PRKG1: variants seen among roughly 807,000 people sequenced by gnomAD.
PRKG1 encodes the protein cGMP-dependent protein kinase 1.
A neutral mutation model predicts 88.1 loss-of-function variants in PRKG1; 35 were observed. The observed-to-expected ratio is 0.40, with a 90% CI of 0.30 to 0.53. The LOEUF (loss-of-function observed/expected upper bound fraction) is 0.53, where lower values mean the gene tolerates loss of function less well. Ranked by LOEUF, PRKG1 falls within the 20% of genes least tolerant of loss-of-function variation. The pLI, the probability that PRKG1 is intolerant of heterozygous loss-of-function variation, is 0.59. For synonymous variants in PRKG1, 303 were observed against 292.5 expected (o/e 1.04, Z -0.37); for missense variants, 540 against 839.8 (o/e 0.64, Z 4.41).
At chr10:51,310,347 AAAG>A (rs1203249866) in intron 2 of PRKG1, among the ~76,000 whole-genome samples, 2 of 152,242 alleles carry the variant, frequency 1.3e-5, no homozygotes, top group Non-Finnish European at 2.9e-5. Flanking sequence ...ACTTTTTAAA[AAAG>A]AACCTATTAT....
chr10:52,233,583 C>T (rs1314119212), intron 9 of PRKG1, among the ~76,000 whole-genome samples: 1 of 147,800 alleles, frequency 6.8e-6, no homozygotes, highest in African/African-American at 2.5e-5. Context: ...GTCACTCCCA[C>T]CCGAATATTG....
chr10:51,962,529 G>A, intron 5 of PRKG1, among the ~76,000 whole-genome samples: 1 of 151,880 alleles, frequency 6.6e-6, no homozygotes, highest in East Asian at 1.9e-4. Context: ...AAGCCACGAT[G>A]GATTTGGTAA....
chr10:52,094,305 C>T (rs2133328776), intron 7 of PRKG1, among the ~76,000 whole-genome samples: 1 of 152,204 alleles, frequency 6.6e-6, no homozygotes, highest in South Asian at 2.1e-4. Context: ...CATTCTTCCT[C>T]ATTTGTCAAT....
At chr10:51,590,248 CA>C (rs1394037478) in intron 3 of PRKG1, among the ~76,000 whole-genome samples, 1 of 152,156 alleles carries the variant, frequency 6.6e-6, no homozygotes, top group Non-Finnish European at 1.5e-5. Flanking sequence ...CACCAGTTAG[CA>C]ATGAGCTTTC....
rs541374173 is a variant in PRKG1 at position 51,626,580 on chromosome 10, A to G, written c.592+158744A>G. ...CAAAAATCTTCAAATCATAATGAATAGCATTGATTTTCAGACTTTCATATT... is the reference window on the plus strand; with the variant it reads ...CAAAAATCTTCAAATCATAATGAATGGCATTGATTTTCAGACTTTCATATT... On this transcript the variant is annotated intron_variant, in intron 3 of 17. Coordinates refer to ENST00000373980, the MANE Select transcript of PRKG1 (RefSeq NM_006258.4). Among the ~76,000 whole-genome samples, 12 of 152,320 alleles carry G rather than the reference A, an allele frequency of 7.9e-5. No homozygotes were observed. The South Asian group carries it at 2.3e-3, about 29-fold the overall frequency.
intron 2 of PRKG1, among the ~76,000 whole-genome samples, chr10:51,224,475 CA>C (rs1838636767): frequency 6.6e-6 from 1 of 152,186 alleles, no homozygotes; most frequent in African/African-American, 2.4e-5. Flanking sequence ...TTTCAGACAT[CA>C]AACTAATTTG....
At chr10:52,086,979 G>A (rs1031252569) in intron 7 of PRKG1, among the ~76,000 whole-genome samples, 1 of 152,104 alleles carries the variant, frequency 6.6e-6, no homozygotes, top group Non-Finnish European at 1.5e-5. Flanking sequence ...CAGATCTTGT[G>A]AGAACTCACT....
intron 11 of PRKG1, 123 bp downstream of exon 11, chr10:52,271,612 C>T (rs1024379322): frequency 4.9e-6 from 5 of 1,030,368 alleles, no homozygotes; most frequent in Non-Finnish European, 6.5e-6. Context: ...TCTTTTTAAT[C>T]TAATCTTAAG....
intron 2 of PRKG1, among the ~76,000 whole-genome samples, chr10:51,261,728 C>T (rs905631754): frequency 1.5e-4 from 14 of 92,972 alleles, no homozygotes; most frequent in South Asian, 8.9e-4. Flanking sequence ...GCAGAGGTTT[C>T]GAACAAATGT....
At chr10:52,214,851 A>C (rs908579162) in intron 9 of PRKG1, among the ~76,000 whole-genome samples, 10 of 152,156 alleles carry the variant, frequency 6.6e-5, no homozygotes, top group African/African-American at 2.4e-4. Context: ...TGGAGCAGGT[A>C]ACCAATCAGG....
At chr10:51,026,001 G>A (rs1290345184) in intron 1 of PRKG1, among the ~76,000 whole-genome samples, 3 of 152,074 alleles carry the variant, frequency 2.0e-5, no homozygotes, top group African/African-American at 7.2e-5. Flanking sequence ...CTCATAAAAA[G>A]GGGGAAATTT....
At position 50,991,245 on chromosome 10, in the gene PRKG1, C is replaced by T; in HGVS notation, c.-134C>T. 4 of 1,315,546 alleles carry T rather than the reference C, an allele frequency of 3.0e-6. No individual in the cohort carries two copies. The highest frequency in any genetic ancestry group is 1.6e-5 in the South Asian group (1 of 63,562). The allele number at this position is 1,315,546 out of a possible 1,614,324, so 81.5% of individuals were successfully genotyped here. A position where few individuals can be genotyped will look rare whatever the true frequency, so the allele number is the denominator to read the frequency against. On this transcript the variant is annotated 5_prime_UTR_variant, in exon 1 of 18. Transcript: ENST00000401604. The surrounding 1 kb of genome is among the most constrained non-coding windows in gnomAD (Gnocchi z 4.5). ...GCGCCGCATTAGGGGCGCACTCCGC[C>T]GCGCTCGAGTACTTAGCGCCCATTC...
At chr10:51,566,669 G>A (rs141852785) in intron 3 of PRKG1, among the ~76,000 whole-genome samples, 4 of 151,992 alleles carry the variant, frequency 2.6e-5, no homozygotes, top group South Asian at 2.1e-4. Context: ...AGCTATGGGC[G>A]GGAAAACATT....
chr10:51,645,003 G>C (rs1249581301), intron 3 of PRKG1, among the ~76,000 whole-genome samples: 1 of 152,106 alleles, frequency 6.6e-6, no homozygotes, highest in Non-Finnish European at 1.5e-5. Flanking sequence ...GGTCAGGCTG[G>C]TCTCGAACTC....
At chr10:51,956,501 C>T (rs1843306193) in intron 5 of PRKG1, among the ~76,000 whole-genome samples, 1 of 152,020 alleles carries the variant, frequency 6.6e-6, no homozygotes, top group Non-Finnish European at 1.5e-5. Flanking sequence ...ACTTAGGATA[C>T]TTTCCAAGAT....
intron 3 of PRKG1, among the ~76,000 whole-genome samples, chr10:51,694,318 T>C (rs1470970062): frequency 6.6e-6 from 1 of 152,200 alleles, no homozygotes. Flanking sequence ...CATCACAGCA[T>C]GGAAAAACAA....
chr10:51,873,725 C>T (rs547076598), intron 4 of PRKG1, among the ~76,000 whole-genome samples: 5 of 152,056 alleles, frequency 3.3e-5, no homozygotes, highest in Admixed American at 6.5e-5. Flanking sequence ...GAACGGGTTT[C>T]GCCATGTTGG....
intron 1 of PRKG1, among the ~76,000 whole-genome samples, chr10:51,129,406 C>T (rs1845509847): frequency 6.6e-6 from 1 of 151,792 alleles, no homozygotes; most frequent in Admixed American, 6.6e-5. Flanking sequence ...GATCGTGCCA[C>T]CACACTCCAG....
At chr10:51,619,443 AAGAC>A (rs1839151572) in intron 3 of PRKG1, among the ~76,000 whole-genome samples, 3 of 152,154 alleles carry the variant, frequency 2.0e-5, no homozygotes, top group African/African-American at 7.2e-5. Context: ...GATTCTCTGA[AAGAC>A]ATTTTTGTTT....
Sources: allele counts gnomAD v4.1 joint callset (sites outside exome capture counted in the v4.1 genomes callset), GRCh38; gene constraint gnomAD v4.1.1; non-coding constraint Gnocchi (gnomAD v3.1); transcripts MANE v1.5; gene names NCBI Gene and HGNC (gene_info 2026-07-23, HGNC 2026-07-21).